Variants in ROBO2 observed in about 807,000 individuals in gnomAD.
ROBO2 encodes roundabout guidance receptor 2, also known as roundabout homolog 2.
Under a neutral mutation model 160.8 loss-of-function variants are expected in ROBO2, and 53 were observed. The observed-to-expected ratio is 0.33, with a 90% CI of 0.26 to 0.41. ROBO2 has a LOEUF of 0.41. Among genes scored for constraint, ROBO2 ranks in the 10% least tolerant of loss-of-function variants. ROBO2 has a pLI of 1.00. For missense variants in ROBO2, 1,577 were observed against 1,722.4 expected, an observed-to-expected ratio of 0.92 and a Z score of 1.49; for synonymous variants, 664 against 611.7, an observed-to-expected ratio of 1.09 and a Z score of -1.26.
intron 2 of ROBO2, among the ~76,000 whole-genome samples, chr3:76,525,977 T>A (rs759044615): frequency 9.2e-5 from 14 of 151,888 alleles, no homozygotes; most frequent in Non-Finnish European, 2.1e-4. Flanking sequence ...CTCAAATTGA[T>A]CCTATTCTTA....
In ROBO2 at chr3:76,462,506, A is replaced by G. The variant is rs545872278; in HGVS notation, c.109+524904A>G. On this transcript the variant is annotated intron_variant, in intron 2 of 26. Transcript: ENST00000487694. ...ATGCATTTCTTTAATGTTAGTTATT[A>G]CTTACTAAATGTATTTTATGGTGCA... Among the ~76,000 whole-genome samples the G allele has an allele frequency of 2.0e-5, 3 of 152,240 alleles. No homozygotes were observed. In the East Asian group the frequency reaches 5.8e-4, roughly 29 times the overall value.
At chr3:76,520,072 G>A (rs1238468196) in intron 2 of ROBO2, among the ~76,000 whole-genome samples, 1 of 152,106 alleles carries the variant, frequency 6.6e-6, no homozygotes, top group Non-Finnish European at 1.5e-5. Context: ...CCGAACCTGG[G>A]AGTGGCTGCT....
At chr3:77,020,764 G>A (rs1246871584) in intron 2 of ROBO2, among the ~76,000 whole-genome samples, 1 of 152,140 alleles carries the variant, frequency 6.6e-6, no homozygotes, top group African/African-American at 2.4e-5. Context: ...AGAGAAAATG[G>A]GAAGACATTA....
At chr3:77,163,342 C>T (rs1019868545) in intron 2 of ROBO2, among the ~76,000 whole-genome samples, 1 of 152,170 alleles carries the variant, frequency 6.6e-6, no homozygotes, top group Non-Finnish European at 1.5e-5. Context: ...TTTTATGTTA[C>T]ATAAATCATT....
intron 2 of ROBO2, among the ~76,000 whole-genome samples, chr3:76,710,664 T>C (rs529287404): frequency 6.6e-6 from 1 of 152,262 alleles, no homozygotes; most frequent in Admixed American, 6.5e-5. Context: ...GATCTGGGCT[T>C]CGTGGGAAAA....
chr3:77,496,738 T>C (rs1662405504), intron 5 of ROBO2, among the ~76,000 whole-genome samples: 1 of 152,168 alleles, frequency 6.6e-6, no homozygotes, highest in African/African-American at 2.4e-5. Context: ...CAAGAAAAGC[T>C]TTTCAATTCA....
chr3:77,442,940 G>T (rs921661896), intron 2 of ROBO2, among the ~76,000 whole-genome samples: 6 of 152,198 alleles, frequency 3.9e-5, no homozygotes, highest in African/African-American at 1.4e-4. Flanking sequence ...TCTGCATGAA[G>T]TCAGTTAGAT....
At chr3:76,353,428 A>G (rs1576613688) in intron 2 of ROBO2, among the ~76,000 whole-genome samples, 1 of 152,002 alleles carries the variant, frequency 6.6e-6, no homozygotes. Flanking sequence ...TCTGTGGGGT[A>G]GAGGTAGTTG....
intron 2 of ROBO2, among the ~76,000 whole-genome samples, chr3:76,031,332 T>C (rs552271350): frequency 6.6e-6 from 1 of 152,318 alleles, no homozygotes; most frequent in East Asian, 1.9e-4. Flanking sequence ...AATTCCTCTT[T>C]TCCTAATTGA....
intron 2 of ROBO2, among the ~76,000 whole-genome samples, chr3:77,339,069 T>C (rs1228927491): frequency 1.3e-5 from 2 of 152,154 alleles, no homozygotes; most frequent in Admixed American, 1.3e-4. Flanking sequence ...TAAATTATTT[T>C]CTTTTTAGTT....
chr3:76,978,621 A>G (rs914968845), intron 2 of ROBO2, among the ~76,000 whole-genome samples: 2 of 152,242 alleles, frequency 1.3e-5, no homozygotes, highest in Admixed American at 6.5e-5. Flanking sequence ...ATTATAAAGG[A>G]CATTCTCCAG....
chr3:76,202,706 G>A (rs147827864), intron 2 of ROBO2, among the ~76,000 whole-genome samples: 5 of 152,278 alleles, frequency 3.3e-5, no homozygotes, highest in African/African-American at 9.6e-5. Flanking sequence ...AGTTATGGGT[G>A]TGGGTGTTTG....
At chr3:76,080,448 G>A (rs979058690) in intron 2 of ROBO2, among the ~76,000 whole-genome samples, 27 of 152,262 alleles carry the variant, frequency 1.8e-4, no homozygotes, top group African/African-American at 6.3e-4. Context: ...GTAAAAAACC[G>A]TATTTTAGCC....
chr3:76,064,843 T>C (rs2107914191), intron 2 of ROBO2, among the ~76,000 whole-genome samples: 1 of 152,300 alleles, frequency 6.6e-6, no homozygotes, highest in South Asian at 2.1e-4. Flanking sequence ...AAAAGGTGTA[T>C]GGCCTAATAA....
chr3:76,899,002 T>G lies in ROBO2; in HGVS notation c.110-199012T>G, dbSNP rs190541762. 2.0e-3 allele frequency among the ~76,000 whole-genome samples: 301 copies of G among 152,200 alleles called. 3 individuals are homozygous for G. Among genetic ancestry groups the G allele is most frequent in the African/African-American group, 6.9e-3 (285 of 41,552 alleles). On this transcript the variant is annotated intron_variant, in intron 2 of 26. Coordinates refer to the ROBO2 transcript ENST00000487694. ...AGAAGAATGGGTCTCATAAACAGCC[T>G]AAGACATAAAGGAAGGTAATTGAAC...
chr3:76,542,171 G>A (rs1012054840), intron 2 of ROBO2, among the ~76,000 whole-genome samples: 3 of 151,972 alleles, frequency 2.0e-5, no homozygotes, highest in Admixed American at 6.6e-5. Context: ...AAGTCTACAG[G>A]CATGTTTAGG....
chr3:77,258,463 T>C (rs988291127), intron 2 of ROBO2, among the ~76,000 whole-genome samples: 5 of 152,006 alleles, frequency 3.3e-5, no homozygotes, highest in African/African-American at 1.2e-4. Context: ...GTTTTAAAAG[T>C]CCAGGTAAGA....
At chr3:76,933,334 A>G (rs1487283545) in intron 2 of ROBO2, among the ~76,000 whole-genome samples, 1 of 152,198 alleles carries the variant, frequency 6.6e-6, no homozygotes, top group East Asian at 1.9e-4. Flanking sequence ...TAAGTGAACT[A>G]TATCTAATTA....
At chr3:76,113,999 G>A (rs1209803022) in intron 2 of ROBO2, among the ~76,000 whole-genome samples, 1 of 152,142 alleles carries the variant, frequency 6.6e-6, no homozygotes, top group Non-Finnish European at 1.5e-5. Context: ...AAAGCTTCCT[G>A]AGGCCTCACC....
Sources: allele counts gnomAD v4.1 joint callset (sites outside exome capture counted in the v4.1 genomes callset), GRCh38; gene constraint gnomAD v4.1.1; transcripts MANE v1.5; gene names NCBI Gene and HGNC (gene_info 2026-07-23, HGNC 2026-07-21).